SULF1: variants seen among roughly 807,000 people sequenced by gnomAD.
SULF1 encodes the protein extracellular sulfatase Sulf-1.
In SULF1, 46 loss-of-function variants were observed where a neutral mutation model predicts 110.5. The ratio of observed to expected loss-of-function variants is 0.42; its 90% CI spans 0.33 to 0.53. SULF1 has a LOEUF of 0.53. Among genes scored for constraint, SULF1 ranks in the 20% least tolerant of loss-of-function variants. SULF1 has a pLI of 0.12. For synonymous variants in SULF1, 371 were observed against 387.1 expected, an observed-to-expected ratio of 0.96 and a Z score of 0.49; for missense variants, 941 against 1,094.2, an observed-to-expected ratio of 0.86 and a Z score of 1.98.
At chr8:69,481,892 G>A (rs1342924136) in intron 1 of SULF1, among the ~76,000 whole-genome samples, 1 of 152,070 alleles carries the variant, frequency 6.6e-6, no homozygotes, top group African/African-American at 2.4e-5. Context: ...TATCTCAGTT[G>A]TTGTTTATAA....
rs193007902 is a variant in SULF1, at chr8:69,534,134, G to C, written c.-133-29405G>C. Among the ~76,000 whole-genome samples the C allele has an allele frequency of 3.9e-4, 59 of 152,284 alleles. No individual in the cohort carries two copies. In the East Asian group the frequency reaches 9.8e-3, roughly 25 times the overall value. ...AACATAATGGAAGTTCATCCTGGGG[G>C]CTGAGTACTGTACATTCTGCATTAC... On this transcript the variant is annotated intron_variant, in intron 3 of 22. Coordinates refer to ENST00000402687, the MANE Select transcript of SULF1 (RefSeq NM_001128205.2).
chr8:69,564,287 T>A, intron 5 of SULF1, 140 bp downstream of exon 5: 1 of 1,029,076 alleles, frequency 9.7e-7, no homozygotes. Context: ...AATGAACTTG[T>A]ATTGACCATA....
At chr8:69,634,014 A>C (rs972763706) in intron 19 of SULF1, among the ~76,000 whole-genome samples, 4 of 152,200 alleles carry the variant, frequency 2.6e-5, no homozygotes, top group Admixed American at 2.6e-4. Flanking sequence ...ATGTGAGATA[A>C]ATGTTCACAT....
chr8:69,469,514 C>T (rs1808997050), intron 1 of SULF1: 1 of 152,160 alleles, frequency 6.6e-6, no homozygotes, highest in Non-Finnish European at 1.5e-5. Flanking sequence ...TCACTGAATC[C>T]ATGGTAGGTT....
chr8:69,587,736 G>A (rs984585623), intron 7 of SULF1, among the ~76,000 whole-genome samples: 2 of 152,164 alleles, frequency 1.3e-5, no homozygotes, highest in African/African-American at 2.4e-5. Context: ...GCTTTTTCAT[G>A]CTCCTTGTTC....
chr8:69,654,358 G>T (rs1299646394), intron 22 of SULF1, among the ~76,000 whole-genome samples: 3 of 152,020 alleles, frequency 2.0e-5, no homozygotes, highest in African/African-American at 7.2e-5. Flanking sequence ...ACCAATAATA[G>T]GCTAGCAAGT....
chr8:69,603,388 C>G lies in SULF1; in HGVS notation c.1190+68C>G, dbSNP rs866351330. Reference sequence around the variant, plus strand: ...AGCTCCAGCTGGTGCCCAGAGCCAGCCAGCAGCTGAAGACATGGAGGCAGA... The same window carrying G: ...AGCTCCAGCTGGTGCCCAGAGCCAGGCAGCAGCTGAAGACATGGAGGCAGA... On this transcript the variant is annotated intron_variant, in intron 11 of 22. Coordinates refer to ENST00000402687, the MANE Select transcript of SULF1 (RefSeq NM_001128205.2). The G allele has an allele frequency of 1.9e-6, 3 of 1,607,784 alleles. No individual in the cohort carries two copies. The African/African-American group carries it at 4.0e-5, about 21-fold the overall frequency.
chr8:69,605,025 T>C, intron 13 of SULF1, 93 bp downstream of exon 13: 1 of 1,542,054 alleles, frequency 6.5e-7, no homozygotes, highest in Middle Eastern at 1.7e-4. Flanking sequence ...TACATTTGTG[T>C]ATAAATAAGC....
At chr8:69,555,396 G>A (rs368177276) in intron 3 of SULF1, among the ~76,000 whole-genome samples, 1 of 152,154 alleles carries the variant, frequency 6.6e-6, no homozygotes, top group South Asian at 2.1e-4. Flanking sequence ...GGTGGCTCAC[G>A]CCTGTAATCC....
intron 5 of SULF1, among the ~76,000 whole-genome samples, chr8:69,565,924 C>T (rs1815846848): frequency 6.6e-6 from 1 of 152,106 alleles, no homozygotes; most frequent in Admixed American, 6.5e-5. Context: ...CATCTCATCC[C>T]CTCTGCCTTT....
intron 1 of SULF1, among the ~76,000 whole-genome samples, chr8:69,486,680 A>C (rs980475543): frequency 6.6e-6 from 1 of 152,198 alleles, no homozygotes; most frequent in Non-Finnish European, 1.5e-5. Context: ...ACTCTCCTAC[A>C]GAACACACAG....
chr8:69,469,253 G>A (rs1227559336), intron 1 of SULF1: 3 of 152,234 alleles, frequency 2.0e-5, no homozygotes, highest in Admixed American at 6.5e-5. Flanking sequence ...CTTCCTGACA[G>A]CACTTGTGCT....
chr8:69,572,122 C>T (rs755322028), intron 5 of SULF1, among the ~76,000 whole-genome samples: 4 of 152,084 alleles, frequency 2.6e-5, no homozygotes, highest in Admixed American at 6.5e-5. Flanking sequence ...CTCTAAGAGG[C>T]GAGAAGAATC....
chr8:69,558,090 T>C, intron 3 of SULF1, among the ~76,000 whole-genome samples: 1 of 152,160 alleles, frequency 6.6e-6, no homozygotes, highest in East Asian at 1.9e-4. Context: ...GATTCATGTA[T>C]CTTATAAAGA....
At chr8:69,502,969 G>A (rs1810921219) in intron 3 of SULF1, among the ~76,000 whole-genome samples, 1 of 152,004 alleles carries the variant, frequency 6.6e-6, no homozygotes, top group African/African-American at 2.4e-5. Flanking sequence ...TTATAGGCGT[G>A]AGCCACCACA....
chr8:69,486,589 G>T (rs1310161844), intron 1 of SULF1, among the ~76,000 whole-genome samples: 2 of 152,166 alleles, frequency 1.3e-5, no homozygotes, highest in African/African-American at 4.8e-5. Context: ...TTGCTGTGAA[G>T]CTGGCGAGGA....
chr8:69,649,263 CT>C (rs1269660936), intron 22 of SULF1, among the ~76,000 whole-genome samples: 1 of 152,100 alleles, frequency 6.6e-6, no homozygotes, highest in Non-Finnish European at 1.5e-5. Flanking sequence ...TTTTCTTGTT[CT>C]TTCACTCACT....
At chr8:69,521,086 CA>C (rs1812266793) in intron 3 of SULF1, among the ~76,000 whole-genome samples, 1 of 152,252 alleles carries the variant, frequency 6.6e-6, no homozygotes, top group African/African-American at 2.4e-5. Flanking sequence ...TAGTGTCAAG[CA>C]TAACACTTTA....
intron 20 of SULF1, 32 bp from the exon 21 acceptor site, chr8:69,638,703 G>T (rs1255713796): frequency 8.1e-6 from 13 of 1,613,272 alleles, no homozygotes; most frequent in Non-Finnish European, 1.1e-5. Context: ...CCAGACATAA[G>T]CTTAAATAGA....
Sources: gnomAD v4.1 joint callset for allele counts (sites outside exome capture counted in the v4.1 genomes callset) on GRCh38, gnomAD v4.1.1 for gene constraint, MANE v1.5 for transcripts, NCBI Gene and HGNC (gene_info 2026-07-23, HGNC 2026-07-21) for gene names.